Variants in NXPH1 observed in about 807,000 individuals in gnomAD.
NXPH1 encodes the protein neurexophilin-1.
In NXPH1, 5 loss-of-function variants were observed where a neutral mutation model predicts 23.7. The ratio of observed to expected loss-of-function variants is 0.21; its 90% confidence interval spans 0.11 to 0.44. The LOEUF is 0.44. Ranked by LOEUF, NXPH1 falls within the 20% of genes least tolerant of loss-of-function variation. NXPH1 has a pLI of 0.99. For synonymous variants in NXPH1, 144 were observed against 122.2 expected, an observed-to-expected ratio of 1.18 and a Z score of -1.18; for missense variants, 324 against 321.6, an observed-to-expected ratio of 1.01 and a Z score of -0.06.
chr7:8,661,593 G>A (rs1391554204), intron 2 of NXPH1, among the ~76,000 whole-genome samples: 1 of 152,034 alleles, frequency 6.6e-6, no homozygotes, highest in African/African-American at 2.4e-5. Context: ...ACCTATGTCT[G>A]TATTCTCTCC....
chr7:8,476,358 C>G (rs1816971439), intron 2 of NXPH1, among the ~76,000 whole-genome samples: 1 of 152,058 alleles, frequency 6.6e-6, no homozygotes, highest in Non-Finnish European at 1.5e-5. Context: ...TTTTTCTGTT[C>G]TTTCAGGCCT....
chr7:8,527,359 A>G (rs1817879228), intron 2 of NXPH1, among the ~76,000 whole-genome samples: 1 of 152,220 alleles, frequency 6.6e-6, no homozygotes, highest in Non-Finnish European at 1.5e-5. Context: ...GGGGGCACTC[A>G]GTGAAGCTCA....
chr7:8,494,480 G>T (rs528482871), intron 2 of NXPH1, among the ~76,000 whole-genome samples: 1 of 152,038 alleles, frequency 6.6e-6, no homozygotes, highest in African/African-American at 2.4e-5. Flanking sequence ...GTGAAGTGAC[G>T]CTGATCATGC....
intron 2 of NXPH1, among the ~76,000 whole-genome samples, chr7:8,746,178 A>G (rs1780467256): frequency 6.6e-6 from 1 of 152,190 alleles, no homozygotes; most frequent in East Asian, 1.9e-4. Context: ...AGACAAAAGA[A>G]ATTGGAGTTG....
chr7:8,521,742 G>A (rs1817775054), intron 2 of NXPH1, among the ~76,000 whole-genome samples: 1 of 152,118 alleles, frequency 6.6e-6, no homozygotes, highest in Non-Finnish European at 1.5e-5. Context: ...AGAATTAAAT[G>A]GCAATGTAAG....
At chr7:8,639,228 C>T (rs75567214) in intron 2 of NXPH1, among the ~76,000 whole-genome samples, 6,200 of 152,120 alleles carry the variant, frequency 0.041, 307 homozygotes, top group East Asian at 0.17. Context: ...ACCACATTAT[C>T]AAACTTCAGA....
chr7:8,604,345 T>C (rs899500181), intron 2 of NXPH1, among the ~76,000 whole-genome samples: 1 of 152,182 alleles, frequency 6.6e-6, no homozygotes, highest in Non-Finnish European at 1.5e-5. Context: ...ACCTACAATG[T>C]ACCCAACACT....
At chr7:8,750,407 TG>T (rs2115235756) in intron 2 of NXPH1, among the ~76,000 whole-genome samples, 1 of 152,328 alleles carries the variant, frequency 6.6e-6, no homozygotes, top group South Asian at 2.1e-4. Flanking sequence ...CATGGTGTTT[TG>T]CCGCACCTAT....
chr7:8,628,188 A>C (rs575983678), intron 2 of NXPH1, among the ~76,000 whole-genome samples: 2 of 152,284 alleles, frequency 1.3e-5, no homozygotes, highest in South Asian at 4.1e-4. Flanking sequence ...TAGTAACTAC[A>C]TACTATTTCC....
chr7:8,659,637 C>T (rs926283510), intron 2 of NXPH1, among the ~76,000 whole-genome samples: 8 of 152,122 alleles, frequency 5.3e-5, no homozygotes, highest in Non-Finnish European at 1.0e-4. Flanking sequence ...ATGTAAATGA[C>T]GAGTTAATGG....
chr7:8,447,440 C>T (rs920634843), intron 2 of NXPH1, among the ~76,000 whole-genome samples: 3 of 152,200 alleles, frequency 2.0e-5, no homozygotes, highest in African/African-American at 7.2e-5. Context: ...TTTTGCAGAA[C>T]ATGGCAGAGT....
intron 2 of NXPH1, among the ~76,000 whole-genome samples, chr7:8,573,823 C>G (rs772221282): frequency 7.2e-5 from 11 of 152,076 alleles, no homozygotes; most frequent in Admixed American, 2.0e-4. Flanking sequence ...ATAAACTATG[C>G]CATTGGCTCC....
chr7:8,676,280 A>C (rs982218193), intron 2 of NXPH1, among the ~76,000 whole-genome samples: 1 of 152,130 alleles, frequency 6.6e-6, no homozygotes, highest in African/African-American at 2.4e-5. Context: ...ACAGTGTTCA[A>C]ATTTTGTCCA....
At chr7:8,719,426 G>C (rs1358678946) in intron 2 of NXPH1, among the ~76,000 whole-genome samples, 1 of 152,106 alleles carries the variant, frequency 6.6e-6, no homozygotes, top group Non-Finnish European at 1.5e-5. Flanking sequence ...AAATATTATG[G>C]CTTGGATAGT....
intron 2 of NXPH1, among the ~76,000 whole-genome samples, chr7:8,505,997 G>GAAAAAACAAT (rs1048639485): frequency 3.9e-5 from 6 of 152,008 alleles, no homozygotes; most frequent in Admixed American, 3.3e-4. Flanking sequence ...GACCATACTT[G>GAAAAAACAAT]AAAAAACAAT....
intron 2 of NXPH1, among the ~76,000 whole-genome samples, chr7:8,483,965 C>CTTTTTTTTTTTTTT (rs60436502): frequency 1.7e-4 from 22 of 132,320 alleles, no homozygotes; most frequent in African/African-American, 5.6e-4. Context: ...CTCCCCCCAC[C>CTTTTTTTTTTTTTT]TTTTTTTTTT....
intron 2 of NXPH1, among the ~76,000 whole-genome samples, chr7:8,486,207 T>A (rs1817157295): frequency 6.6e-6 from 1 of 152,192 alleles, no homozygotes; most frequent in Non-Finnish European, 1.5e-5. Flanking sequence ...CTAGACAGAA[T>A]TCCCTTCAGC....
chr7:8,700,416 G>A (rs1275767685), intron 2 of NXPH1, among the ~76,000 whole-genome samples: 1 of 151,974 alleles, frequency 6.6e-6, no homozygotes. Context: ...AACATCATTT[G>A]CTTCTTAGAC....
chr7:8,655,400 T>TTCTCTCTCTCTC (rs869162322), intron 2 of NXPH1, among the ~76,000 whole-genome samples: 13 of 42,882 alleles, frequency 3.0e-4, no homozygotes, highest in Non-Finnish European at 3.8e-4. Flanking sequence ...GTCTTTGTCT[T>TTCTCTCTCTCTC]TCTCTCTCTC....
Sources: gnomAD v4.1 joint callset for allele counts (sites outside exome capture counted in the v4.1 genomes callset) on GRCh38, gnomAD v4.1.1 for gene constraint, MANE v1.5 for transcripts, NCBI Gene and HGNC (gene_info 2026-07-23, HGNC 2026-07-21) for gene names.